ROR1: variants seen among roughly 807,000 people sequenced by gnomAD.
ROR1 encodes the protein inactive tyrosine-protein kinase transmembrane receptor ROR1.
A neutral mutation model predicts 78.8 loss-of-function variants in ROR1; 19 were observed. The ratio of observed to expected loss-of-function variants is 0.24; its 90% CI spans 0.17 to 0.35. The LOEUF (loss-of-function observed/expected upper bound fraction) is 0.35, where lower values mean the gene tolerates loss of function less well. Among genes scored for constraint, ROR1 ranks in the 10% least tolerant of loss-of-function variants. The probability of loss-of-function intolerance (pLI) is 1.00; values close to 1 mark genes in which losing one functional copy is unlikely to be tolerated. For synonymous variants in ROR1, 386 were observed against 433.6 expected, an observed-to-expected ratio of 0.89 and a Z score of 1.36; for missense variants, 917 against 1,177.8, an observed-to-expected ratio of 0.78 and a Z score of 3.24.
At chr1:63,796,323 A>G (rs1644759569) in intron 1 of ROR1, among the ~76,000 whole-genome samples, 1 of 152,204 alleles carries the variant, frequency 6.6e-6, no homozygotes, top group Non-Finnish European at 1.5e-5. Flanking sequence ...GCAAAGCAAT[A>G]AGGTTGGACC....
chr1:64,174,759 G>T (rs977439629), intron 8 of ROR1, among the ~76,000 whole-genome samples: 2 of 152,114 alleles, frequency 1.3e-5, no homozygotes, highest in African/African-American at 4.8e-5. Flanking sequence ...TTAATGTCAT[G>T]CAGGAAAAAT....
intron 1 of ROR1, among the ~76,000 whole-genome samples, chr1:64,000,249 G>A (rs906909985): frequency 1.3e-5 from 2 of 152,092 alleles, no homozygotes; most frequent in Non-Finnish European, 2.9e-5. Flanking sequence ...TTGGAAACCC[G>A]AGATGTCCAC....
chr1:63,897,834 C>A (rs1645452378), intron 1 of ROR1, among the ~76,000 whole-genome samples: 1 of 152,208 alleles, frequency 6.6e-6, no homozygotes, highest in Admixed American at 6.5e-5. Flanking sequence ...AAGTACATTT[C>A]TTGCTCATGT....
intron 1 of ROR1, among the ~76,000 whole-genome samples, chr1:63,885,302 A>G (rs1645349494): frequency 6.6e-6 from 1 of 152,102 alleles, no homozygotes; most frequent in Admixed American, 6.6e-5. Context: ...CGTAGATGGG[A>G]ATGGACGGGT....
At chr1:63,986,597 G>A (rs1011634900) in intron 1 of ROR1, among the ~76,000 whole-genome samples, 3 of 152,146 alleles carry the variant, frequency 2.0e-5, no homozygotes, top group South Asian at 4.1e-4. Flanking sequence ...GGAGTTCTTA[G>A]AAAAGTGTCA....
chr1:64,011,314 A>G (rs1196680452), intron 2 of ROR1, among the ~76,000 whole-genome samples: 3 of 152,252 alleles, frequency 2.0e-5, no homozygotes, highest in African/African-American at 4.8e-5. Flanking sequence ...GTTTAATGGA[A>G]AAGAAGAAAT....
chr1:64,013,989 C>A (rs1039808172), intron 2 of ROR1, among the ~76,000 whole-genome samples: 1 of 152,236 alleles, frequency 6.6e-6, no homozygotes, highest in Non-Finnish European at 1.5e-5. Context: ...TTCACACCAC[C>A]CTTTGCAATA....
At chr1:64,172,191 G>A (rs1650261191) in intron 8 of ROR1, among the ~76,000 whole-genome samples, 1 of 152,166 alleles carries the variant, frequency 6.6e-6, no homozygotes, top group Non-Finnish European at 1.5e-5. Flanking sequence ...AAAGCCACCA[G>A]TATCAGCCTG....
chr1:64,139,970 A>T, intron 5 of ROR1, 139 bp from the exon 6 acceptor site: 16 of 714,432 alleles, frequency 2.2e-5, no homozygotes, highest in Non-Finnish European at 3.0e-5. Flanking sequence ...ATCTGAAATG[A>T]ATCTCCTTCT....
intron 1 of ROR1, among the ~76,000 whole-genome samples, chr1:63,962,048 C>G (rs1188379403): frequency 6.6e-6 from 1 of 152,024 alleles, no homozygotes. Context: ...TCCGTTGAGC[C>G]CAGGAGTTCA....
chr1:63,931,632 C>T (rs1009220075), intron 1 of ROR1, among the ~76,000 whole-genome samples: 3 of 152,174 alleles, frequency 2.0e-5, no homozygotes, highest in African/African-American at 7.2e-5. Context: ...TGCCTGGGAC[C>T]TGCATCCTTC....
At chr1:63,859,153 G>A (rs1050809658) in intron 1 of ROR1, among the ~76,000 whole-genome samples, 2 of 151,956 alleles carry the variant, frequency 1.3e-5, no homozygotes, top group East Asian at 3.9e-4. Context: ...CCCCTCTGCA[G>A]GGTACAACCA....
chr1:63,993,640 T>C (rs1646313988), intron 1 of ROR1, among the ~76,000 whole-genome samples: 1 of 152,226 alleles, frequency 6.6e-6, no homozygotes, highest in African/African-American at 2.4e-5. Context: ...TTTGCTTTTA[T>C]TTTTAAACCT....
chr1:64,028,806 C>T (rs1646636837), intron 2 of ROR1: 2 of 152,148 alleles, frequency 1.3e-5, no homozygotes, highest in Non-Finnish European at 2.9e-5. Context: ...CAGTTATACT[C>T]TTTTAGTTAT....
intron 4 of ROR1, among the ~76,000 whole-genome samples, chr1:64,115,027 C>T (rs1464893259): frequency 1.3e-5 from 2 of 152,112 alleles, no homozygotes; most frequent in Admixed American, 6.5e-5. Context: ...TGCAGTGGTG[C>T]GATCATGGCT....
At chr1:63,910,123 T>C (rs1645559424) in intron 1 of ROR1, among the ~76,000 whole-genome samples, 1 of 152,182 alleles carries the variant, frequency 6.6e-6, no homozygotes, top group African/African-American at 2.4e-5. Context: ...AGGCCAGGGA[T>C]GCTGTCTTGT....
Position 64,178,036 on chromosome 1 carries a change from G to A in ROR1, c.1995G>A (p.Met665Ile), listed in dbSNP as rs147335786. The change falls in exon 9 of 9, where the codon ATG becomes ATA. Residue 665 changes from methionine to isoleucine, a missense_variant. By Grantham distance (10) the Met-to-Ile change is conservative. Transcript: ENST00000371079. This position sits in a 1 kb window ranked among gnomAD's most constrained non-coding sequence, Gnocchi z 4.3. ...PIRWMPPEAI[M>I]YGKFSSDSDI... ...GCTGGATGCCCCCTGAAGCCATCAT[G>A]TATGGCAAATTCTCTTCTGATTCAG... 3 of 1,614,038 alleles carry A rather than the reference G, an allele frequency of 1.9e-6. No individual in the cohort carries two copies. The African/African-American group carries it at 4.0e-5, about 22-fold the overall frequency.
At chr1:63,925,382 A>G (rs1454224715) in intron 1 of ROR1, among the ~76,000 whole-genome samples, 1 of 151,492 alleles carries the variant, frequency 6.6e-6, no homozygotes, top group African/African-American at 2.4e-5. Context: ...CATGGTGTAT[A>G]TGTGCCACAT....
At chr1:64,107,476 A>T (rs1647870798) in intron 4 of ROR1, among the ~76,000 whole-genome samples, 1 of 152,128 alleles carries the variant, frequency 6.6e-6, no homozygotes. Flanking sequence ...TTCCTTTTTC[A>T]TCGTCTTTGC....
Sources: gnomAD v4.1 joint callset for allele counts (sites outside exome capture counted in the v4.1 genomes callset) on GRCh38, gnomAD v4.1.1 for gene constraint, Gnocchi (gnomAD v3.1) non-coding constraint, MANE v1.5 for transcripts, NCBI Gene and HGNC (gene_info 2026-07-23, HGNC 2026-07-21) for gene names.